The following GALNT14 variants were observed in gnomAD, a reference collection of about 807,000 sequenced individuals.
The protein encoded by GALNT14 is polypeptide N-acetylgalactosaminyltransferase 14.
GALNT14 carries 60 observed loss-of-function variants against 77.5 expected under a neutral mutation model. The ratio of observed to expected loss-of-function variants is 0.77; its 90% confidence interval spans 0.63 to 0.96. The LOEUF (loss-of-function observed/expected upper bound fraction) is 0.96. Ranked by LOEUF, GALNT14 falls within the 40% of genes least tolerant of loss-of-function variation. GALNT14 has a pLI of 0.00. For synonymous variants in GALNT14, 280 were observed against 281.7 expected, an observed-to-expected ratio of 0.99 and a Z score of 0.06; for missense variants, 710 against 731.0, an observed-to-expected ratio of 0.97 and a Z score of 0.33.
chr2:30,907,012 G>A (rs1004286238), downstream of GALNT14, among the ~76,000 whole-genome samples: 1 of 152,170 alleles, frequency 6.6e-6, no homozygotes, highest in African/African-American at 2.4e-5. Context: ...TGAAACCAAT[G>A]AGAACAAAGA....
In GALNT14 at chr2:31,138,397, G is replaced by A. The variant is rs1679329832; in HGVS notation, c.-311C>T. On this transcript the variant is annotated 5_prime_UTR_variant, in exon 1 of 15. Coordinates refer to ENST00000349752, the MANE Select transcript of GALNT14 (RefSeq NM_024572.4). ...TCCCCACGCCGCCACCGCGGCTGCC[G>A]CCGCCGCCGCCGCCGCCTTGCCCGC... 2 of 358,388 alleles carry A rather than the reference G, an allele frequency of 5.6e-6. No homozygotes were observed. The highest frequency in any genetic ancestry group is 6.6e-5 in the East Asian group (1 of 15,084). The allele number at this position is 358,388 out of a possible 1,614,324, so 22.2% of individuals were successfully genotyped here.
chr2:31,107,963 A>G (rs910846763), intron 1 of GALNT14, among the ~76,000 whole-genome samples: 1 of 152,064 alleles, frequency 6.6e-6, no homozygotes, highest in Non-Finnish European at 1.5e-5. Flanking sequence ...TCAGACTCTC[A>G]CCACCTCCCC....
chr2:31,055,377 C>G (rs111474415), intron 1 of GALNT14, among the ~76,000 whole-genome samples: 1,546 of 152,338 alleles, frequency 0.01, 19 homozygotes, highest in African/African-American at 0.035. Context: ...TTAAACGCTT[C>G]AATTAAAGGC....
chr2:30,973,442 C>T (rs1006205967), intron 2 of GALNT14, among the ~76,000 whole-genome samples: 1 of 152,198 alleles, frequency 6.6e-6, no homozygotes, highest in Non-Finnish European at 1.5e-5. Context: ...GCACTCAGGG[C>T]AGTGATCTTG....
At chr2:30,905,578 T>C (rs761593235), downstream of GALNT14, among the ~76,000 whole-genome samples, 593 of 152,074 alleles carry the variant, frequency 3.9e-3, 7 homozygotes, top group South Asian at 0.028. Flanking sequence ...ACCAAATCTA[T>C]GTCTGATTGG....
rs148990848 is a variant in GALNT14 at position 31,085,825 on chromosome 2, T to C, written c.129+52133A>G. Among the ~76,000 whole-genome samples, 110 of 152,304 alleles carry C rather than the reference T, an allele frequency of 7.2e-4. 1 individual carries two copies. Among genetic ancestry groups the C allele is most frequent in the African/African-American group, 2.6e-3 (107 of 41,570 alleles). ...ATGAAGAAATACCAGACACTGGTAA[T>C]TTATAAAGAGAAAGGTTTGCTGGAC... On this transcript the variant is annotated intron_variant, in intron 1 of 14. Transcript: ENST00000349752.
intron 1 of GALNT14, among the ~76,000 whole-genome samples, chr2:30,997,362 G>C (rs1670100217): frequency 6.6e-6 from 1 of 152,180 alleles, no homozygotes; most frequent in Non-Finnish European, 1.5e-5. Flanking sequence ...TCTGCATGGG[G>C]CCTTTGCAGT....
chr2:31,038,085 T>TATATATATATATATA (rs1491282655), intron 1 of GALNT14, among the ~76,000 whole-genome samples: 53 of 38,772 alleles, frequency 1.4e-3, no homozygotes, highest in African/African-American at 3.1e-3. Context: ...TATATATATA[T>TATATATATATATATA]TTTTTTTTTT....
intron 6 of GALNT14, among the ~76,000 whole-genome samples, chr2:30,948,678 C>G (rs999643322): frequency 7.9e-5 from 12 of 152,184 alleles, no homozygotes; most frequent in Non-Finnish European, 1.3e-4. Flanking sequence ...TCCTGTGCAC[C>G]TTTACCCATT....
At chr2:31,068,418 C>T (rs1411048855) in intron 1 of GALNT14, among the ~76,000 whole-genome samples, 1 of 149,414 alleles carries the variant, frequency 6.7e-6, no homozygotes, top group Non-Finnish European at 1.5e-5. Flanking sequence ...ACCCAGCAGG[C>T]GAAGGTTGCA....
At chr2:30,939,823 C>T (rs781549067) in intron 9 of GALNT14, among the ~76,000 whole-genome samples, 3 of 152,024 alleles carry the variant, frequency 2.0e-5, no homozygotes, top group East Asian at 1.9e-4. Context: ...ATCTCCCCTT[C>T]GCAGCTGGAG....
rs1474831512 is a variant in GALNT14 at position 30,945,879 on chromosome 2, C to A, written c.655-9G>T. On this transcript the variant is annotated splice_polypyrimidine_tract_variant and intron_variant, in intron 6 of 14. Coordinates refer to ENST00000349752, the MANE Select transcript of GALNT14 (RefSeq NM_024572.4). ...ACCACCCGCGTGTAGTCCTGTAAGACAACAGACCCGCACTTAGCTTATGGA... is the reference window on the plus strand; with the variant it reads ...ACCACCCGCGTGTAGTCCTGTAAGAAAACAGACCCGCACTTAGCTTATGGA... The A allele has an allele frequency of 6.2e-7, 1 of 1,613,128 alleles. No homozygotes were observed. Among genetic ancestry groups the A allele is most frequent in the East Asian group, 2.2e-5 (1 of 44,872 alleles).
At chr2:31,095,474 CCT>C (rs1393945563) in intron 1 of GALNT14, among the ~76,000 whole-genome samples, 1 of 152,054 alleles carries the variant, frequency 6.6e-6, no homozygotes, top group Admixed American at 6.6e-5. Context: ...AAGAGCAATC[CCT>C]GTCTTGACTT....
chr2:30,972,552 G>A (rs1442577649), intron 2 of GALNT14, among the ~76,000 whole-genome samples: 5 of 152,182 alleles, frequency 3.3e-5, no homozygotes, highest in African/African-American at 1.2e-4. Flanking sequence ...ATTCACTAAT[G>A]AGGAAACTGA....
chr2:31,062,216 C>A (rs1674643428), intron 1 of GALNT14, among the ~76,000 whole-genome samples: 1 of 152,136 alleles, frequency 6.6e-6, no homozygotes, highest in Non-Finnish European at 1.5e-5. Context: ...CTCCCTTTGA[C>A]CCCCACCTCC....
intron 1 of GALNT14, among the ~76,000 whole-genome samples, chr2:31,109,300 C>A (rs1677720415): frequency 1.3e-5 from 2 of 152,284 alleles, no homozygotes; most frequent in South Asian, 4.1e-4. Context: ...AAGTGACTGC[C>A]TATGTAACAT....
chr2:30,923,983 T>C (rs771102240), intron 13 of GALNT14, 136 bp downstream of exon 13: 1 of 961,684 alleles, frequency 1.0e-6, no homozygotes, highest in Non-Finnish European at 1.6e-6. Context: ...GGATCACACC[T>C]CTCATGCTCC....
chr2:31,041,869 G>A (rs1673113724), intron 1 of GALNT14, among the ~76,000 whole-genome samples: 1 of 152,188 alleles, frequency 6.6e-6, no homozygotes, highest in Admixed American at 6.5e-5. Flanking sequence ...AACATTCACA[G>A]ATGTGAAGCA....
intron 2 of GALNT14, among the ~76,000 whole-genome samples, chr2:30,968,828 A>G (rs1438877693): frequency 6.6e-6 from 1 of 152,252 alleles, no homozygotes; most frequent in East Asian, 1.9e-4. Flanking sequence ...AAAGGGAAGG[A>G]GAATGCCTTG....
Sources: gnomAD v4.1 joint callset for allele counts (sites outside exome capture counted in the v4.1 genomes callset) on GRCh38, gnomAD v4.1.1 for gene constraint, MANE v1.5 for transcripts, NCBI Gene and HGNC (gene_info 2026-07-23, HGNC 2026-07-21) for gene names.